The following POLR3A variants were observed in gnomAD, a reference collection of about 807,000 sequenced individuals.
The protein encoded by POLR3A is RNA polymerase III subunit A.
POLR3A carries 112 observed loss-of-function variants against 152.8 expected under a neutral mutation model. That is an observed-to-expected ratio of 0.73 (90% CI 0.63 to 0.86). The LOEUF (loss-of-function observed/expected upper bound fraction) is 0.86, where lower values mean the gene tolerates loss of function less well. POLR3A is among the 40% of genes least tolerant of loss of function. The pLI is 0.00. For missense variants in POLR3A, 1,385 were observed against 1,743.1 expected, an observed-to-expected ratio of 0.79 and a Z score of 3.66; for synonymous variants, 615 against 652.1, an observed-to-expected ratio of 0.94 and a Z score of 0.87.
intron 19 of POLR3A, among the ~76,000 whole-genome samples, chr10:77,996,981 A>C (rs1340289727): frequency 1.3e-5 from 2 of 152,226 alleles, no homozygotes; most frequent in Non-Finnish European, 2.9e-5. Context: ...AGTCGGCTTC[A>C]TCCCTGGGAT....
At chr10:78,024,727 A>G in intron 4 of POLR3A, 24 bp from the exon 5 acceptor site, 1 of 1,596,278 alleles carries the variant, frequency 6.3e-7, no homozygotes, top group African/African-American at 1.3e-5. Flanking sequence ...TTTATTTACC[A>G]AGAAATAAAA....
In POLR3A at chr10:77,981,561, TAC is replaced by T. The variant is rs1847142542; in HGVS notation, c.3760-4_3760-3del. 1 of 1,613,890 alleles carries T rather than the reference TAC, an allele frequency of 6.2e-7. No individual in the cohort carries two copies. Among genetic ancestry groups the T allele is most frequent in the African/African-American group, 1.3e-5 (1 of 74,910 alleles). On this transcript the variant is annotated splice_polypyrimidine_tract_variant and splice_region_variant and intron_variant, in intron 28 of 30. Transcript: ENST00000372371. The stretch of plus-strand genomic sequence containing the variant: ...CTCGATGCCCAGAGTTTTCTCCACC[TAC>T]AGAGAGCCAGTAATGAGCAGAAGCA...
Position 77,982,161 on chromosome 10 carries a change from G to A in POLR3A, c.3752C>T (p.Thr1251Ile). ...VKGTRTTSNNTYEVEKTLGIE... is the reference protein window; with the variant it reads ...VKGTRTTSNNIYEVEKTLGIE... Reference sequence around the variant, plus strand: ...CCGTGGGCTGAGTGGTACCTCATAGGTGTTATTGGAGGTGGTTCGGGTGCC... The same window carrying A: ...CCGTGGGCTGAGTGGTACCTCATAGATGTTATTGGAGGTGGTTCGGGTGCC... Residue 1251 changes from threonine (T) to isoleucine (I), a missense_variant, in exon 28 of 31, where the codon ACC (threonine) becomes ATC (isoleucine). Physicochemically the swap from Thr to Ile is moderately conservative, Grantham distance 89. Coordinates refer to ENST00000372371, the MANE Select transcript of POLR3A (RefSeq NM_007055.4). 6.2e-7 allele frequency: 1 copy of A among 1,613,836 alleles called. No homozygotes were observed. The highest frequency in any genetic ancestry group is 8.5e-7 in the Non-Finnish European group (1 of 1,179,902).
Position 77,991,301 on chromosome 10 carries a change from A to G in POLR3A, c.2788-134T>C, listed in dbSNP as rs1847245911. 6 of 692,920 alleles carry G rather than the reference A, an allele frequency of 8.7e-6. No homozygotes were observed. In the South Asian group the frequency reaches 9.2e-5, roughly 11 times the overall value. 42.9% of individuals were successfully genotyped at this position (692,920 alleles called of 1,614,324 possible). On this transcript the variant is annotated intron_variant, in intron 20 of 30. Coordinates refer to ENST00000372371, the MANE Select transcript of POLR3A (RefSeq NM_007055.4). The stretch of plus-strand genomic sequence containing the variant: ...TAGCAACCTGTGATTTTTCTTTCAA[A>G]ACAAATTGTGGACTCTACCTTTCAT...
intron 26 of POLR3A, among the ~76,000 whole-genome samples, chr10:77,983,664 C>T (rs1023835247): frequency 6.6e-6 from 1 of 152,142 alleles, no homozygotes; most frequent in African/African-American, 2.4e-5. Flanking sequence ...ATCATAATAC[C>T]GTGTCACAGT....
At chr10:78,023,754 G>A (rs952893874) in intron 5 of POLR3A, among the ~76,000 whole-genome samples, 2 of 151,662 alleles carry the variant, frequency 1.3e-5, no homozygotes, top group Non-Finnish European at 2.9e-5. Context: ...CTCCAGCCTG[G>A]GAGACAGAGA....
rs140432781 is a variant in POLR3A, at chr10:77,982,685, C to G, written c.3562G>C (p.Val1188Leu). 8 of 1,613,580 alleles carry G rather than the reference C, an allele frequency of 5.0e-6. No homozygotes were observed. The highest frequency in any genetic ancestry group is 4.0e-5 in the African/African-American group (3 of 74,880). ...RENSKSSMYY[V>L]LQFLKEDLPK... ...AGATCCTCTTTCAGGAACTGCAGCA[C>G]GTAGTACATGGAGCTCTTGCTGTTC... The change falls in exon 27 of 31, where the codon GTG becomes CTG. Residue 1188 changes from valine (V) to leucine (L), a missense_variant. Coordinates refer to ENST00000372371, the MANE Select transcript of POLR3A (RefSeq NM_007055.4).
chr10:77,980,385 T>A (rs913651416), intron 29 of POLR3A, 112 bp from the exon 30 acceptor site: 1 of 1,044,784 alleles, frequency 9.6e-7, no homozygotes, highest in Non-Finnish European at 1.5e-6. Context: ...AGACCCAACG[T>A]CAGGTGTGAA....
intron 19 of POLR3A, among the ~76,000 whole-genome samples, chr10:77,994,626 A>G (rs1290206333): frequency 6.6e-6 from 1 of 152,216 alleles, no homozygotes; most frequent in Non-Finnish European, 1.5e-5. Context: ...GAATAAAAAG[A>G]AATGAACAAA....
Position 78,009,641 on chromosome 10 carries a change from C to A in POLR3A, c.1805G>T (p.Ser602Ile). 1 of 1,614,170 alleles carries A rather than the reference C, an allele frequency of 6.2e-7. No homozygotes were observed. The highest frequency in any genetic ancestry group is 1.1e-5 in the South Asian group (1 of 91,082). Residue 602 changes from serine (S) to isoleucine (I), a missense_variant, in exon 14 of 31, where the codon AGT (serine) becomes ATT (isoleucine). Ser to Ile is a moderately radical substitution (Grantham distance 142, BLOSUM62 -2). Transcript: ENST00000372371. Reference sequence around the variant, plus strand: ...GTCATCGCTAGGCCTGAGGATGACACTGAAGATCTGCTTTCCCGTCCACAG... The same window carrying A: ...GTCATCGCTAGGCCTGAGGATGACAATGAAGATCTGCTTTCCCGTCCACAG... ...VTLWTGKQIF[S>I]VILRPSDDNP... is the part of the protein sequence containing the mutation.
At chr10:78,025,864 TA>T in intron 2 of POLR3A, 105 bp from the exon 3 acceptor site, 1 of 1,237,922 alleles carries the variant, frequency 8.1e-7, no homozygotes. Flanking sequence ...TTTTGCTTCT[TA>T]AATTTCCTTT....
intron 19 of POLR3A, 67 bp from the exon 20 acceptor site, chr10:77,993,434 T>C: frequency 1.7e-6 from 2 of 1,212,052 alleles, no homozygotes; most frequent in South Asian, 1.2e-5. Flanking sequence ...GAGGATAAGA[T>C]TTGCAACTCA....
At chr10:77,980,330 ACCAAAG>A in intron 29 of POLR3A, 57 bp from the exon 30 acceptor site, 2 of 1,574,372 alleles carry the variant, frequency 1.3e-6, no homozygotes, top group South Asian at 2.2e-5. Context: ...AAAGCTCGAA[ACCAAAG>A]CACGGTGCAC....
chr10:77,978,373 G>T (rs1199255362), intron 30 of POLR3A, among the ~76,000 whole-genome samples: 1 of 152,192 alleles, frequency 6.6e-6, no homozygotes, highest in Non-Finnish European at 1.5e-5. Flanking sequence ...GCGAACACTG[G>T]GTTACAATGT....
rs1253822191 is a variant in POLR3A, at chr10:77,993,200, G to T, written c.2784C>A (p.Ile928=). 1.8e-5 allele frequency: 29 copies of T among 1,611,908 alleles called. No individual in the cohort carries two copies. The highest frequency in any genetic ancestry group is 2.4e-5 in the Non-Finnish European group (28 of 1,178,168). ...CAGATATAATGCTAAATCTTACTTT[G>T]ATGTTGTCCAGAACCCTTTTAAACT... ...PLEFKRVLDN[I]KAVFPCPSEP... is the part of the protein sequence containing the mutation. The change falls in exon 20 of 31, where the codon ATC becomes ATA. Residue 928 remains isoleucine, a synonymous_variant. Coordinates refer to ENST00000372371, the MANE Select transcript of POLR3A (RefSeq NM_007055.4).
intron 15 of POLR3A, among the ~76,000 whole-genome samples, chr10:78,006,387 C>A: frequency 9.0e-6 from 1 of 110,554 alleles, no homozygotes. Flanking sequence ...CTGAGCAAGA[C>A]TCTGTCTCAA....
chr10:77,996,641 A>C (rs1847303492), intron 19 of POLR3A, among the ~76,000 whole-genome samples: 1 of 151,296 alleles, frequency 6.6e-6, no homozygotes, highest in Non-Finnish European at 1.5e-5. Flanking sequence ...ATAGACCAAT[A>C]ACAGGAGCTG....
At chr10:78,016,697 G>C (rs1331835263) in intron 10 of POLR3A, among the ~76,000 whole-genome samples, 1 of 148,460 alleles carries the variant, frequency 6.7e-6, no homozygotes, top group East Asian at 2.0e-4. Flanking sequence ...CTGGGCAATA[G>C]AGTGAGACTC....
intron 10 of POLR3A, among the ~76,000 whole-genome samples, chr10:78,015,315 G>T (rs1430433396): frequency 6.6e-6 from 1 of 152,014 alleles, no homozygotes; most frequent in Non-Finnish European, 1.5e-5. Flanking sequence ...CTACTTTAGT[G>T]TACATTTGAA....
Sources: gnomAD v4.1 joint callset for allele counts (sites outside exome capture counted in the v4.1 genomes callset) on GRCh38, gnomAD v4.1.1 for gene constraint, MANE v1.5 for transcripts, NCBI Gene and HGNC (gene_info 2026-07-23, HGNC 2026-07-21) for gene names.